Variants in EYA4 observed in about 807,000 individuals in gnomAD.
EYA4 encodes protein phosphatase EYA4.
EYA4 carries 31 observed loss-of-function variants against 87.9 expected under a neutral mutation model. The observed-to-expected ratio is 0.35, with a 90% CI of 0.27 to 0.48. The LOEUF (loss-of-function observed/expected upper bound fraction) is 0.48, where lower values mean the gene tolerates loss of function less well. EYA4 is among the 20% of genes least tolerant of loss of function. The pLI is 0.99. For missense variants in EYA4, 678 were observed against 761.4 expected, an observed-to-expected ratio of 0.89 and a Z score of 1.29; for synonymous variants, 263 against 270.6, an observed-to-expected ratio of 0.97 and a Z score of 0.28.
chr6:133,325,644 T>C (rs944915716), intron 2 of EYA4, among the ~76,000 whole-genome samples: 19 of 152,214 alleles, frequency 1.2e-4, no homozygotes, highest in Admixed American at 1.2e-3. Context: ...TTTTCACTGT[T>C]TGCATGCACT....
chr6:133,411,566 T>C (rs211600), intron 3 of EYA4, among the ~76,000 whole-genome samples: 57,785 of 151,720 alleles, frequency 0.38, 14,059 homozygotes, highest in Non-Finnish European at 0.54. Context: ...TGTCTATCTA[T>C]ATATATATAT....
intron 2 of EYA4, among the ~76,000 whole-genome samples, chr6:133,277,633 G>C (rs1487657175): frequency 6.6e-6 from 1 of 152,158 alleles, no homozygotes; most frequent in Admixed American, 6.5e-5. Flanking sequence ...AGCATATCCA[G>C]CTACTGACCA....
chr6:133,249,907 T>A (rs1774746511), intron 1 of EYA4, among the ~76,000 whole-genome samples: 1 of 152,238 alleles, frequency 6.6e-6, no homozygotes, highest in Non-Finnish European at 1.5e-5. Flanking sequence ...AGCTGAGAAT[T>A]TACTGGAAGG....
chr6:133,454,146 C>G (rs558143499), intron 5 of EYA4, among the ~76,000 whole-genome samples: 8 of 152,204 alleles, frequency 5.3e-5, no homozygotes, highest in Non-Finnish European at 1.2e-4. Context: ...CACCTCCATT[C>G]GCAAGTAAAA....
At chr6:133,505,668 A>C (rs1798536866) in intron 13 of EYA4, among the ~76,000 whole-genome samples, 1 of 152,070 alleles carries the variant, frequency 6.6e-6, no homozygotes, top group Non-Finnish European at 1.5e-5. Context: ...CAGTTGACCT[A>C]TTTTTCTCTA....
intron 3 of EYA4, among the ~76,000 whole-genome samples, chr6:133,395,944 G>A (rs1263711963): frequency 6.6e-6 from 1 of 152,146 alleles, no homozygotes; most frequent in Non-Finnish European, 1.5e-5. Flanking sequence ...TCTAATTAAA[G>A]TCATCACGTC....
chr6:133,323,680 G>C (rs1474898469), intron 2 of EYA4, among the ~76,000 whole-genome samples: 3 of 152,108 alleles, frequency 2.0e-5, no homozygotes, highest in African/African-American at 7.2e-5. Context: ...ATATGTGTGA[G>C]AGAATGAGAG....
rs1393253733 is a variant in EYA4 at position 133,523,151 on chromosome 6, A to G, written c.1712A>G (p.Glu571Gly). ...LYSLGGAFPIENIYSATKIGK... is the reference protein window; with the variant it reads ...LYSLGGAFPIGNIYSATKIGK... Reference sequence around the variant, plus strand: ...AGTTTAGGAGGTGCTTTCCCCATTGAGAATATTTACAGTGCAACTAAAATA... The same window carrying G: ...AGTTTAGGAGGTGCTTTCCCCATTGGGAATATTTACAGTGCAACTAAAATA... The change falls in exon 18 of 20, where the codon GAG becomes GGG. Residue 571 changes from glutamate to glycine, a missense_variant. Coordinates refer to ENST00000355286, the MANE Select transcript of EYA4 (RefSeq NM_004100.5). 6.2e-7 allele frequency: 1 copy of G among 1,612,402 alleles called. No individual in the cohort carries two copies. The highest frequency in any genetic ancestry group is 8.5e-7 in the Non-Finnish European group (1 of 1,178,800).
chr6:133,363,924 C>T (rs1784661861), intron 2 of EYA4, among the ~76,000 whole-genome samples: 1 of 152,192 alleles, frequency 6.6e-6, no homozygotes, highest in African/African-American at 2.4e-5. Context: ...GCATCTTAAC[C>T]TCACTTGAGA....
Position 133,274,788 on chromosome 6 carries a change from A to G in EYA4, c.8A>G (p.Asp3Gly), listed in dbSNP as rs986089427. The G allele has an allele frequency of 1.2e-6, 2 of 1,613,424 alleles. No homozygotes were observed. The highest frequency in any genetic ancestry group is 1.7e-6 in the Non-Finnish European group (2 of 1,179,738). ME[D>G]SQDLNEQSVK... ...GAGAAGTGAGAAAACCACATGGAAGACTCCCAGGATTTAAATGAACAATCA... is the reference window on the plus strand; with the variant it reads ...GAGAAGTGAGAAAACCACATGGAAGGCTCCCAGGATTTAAATGAACAATCA... The change falls in exon 2 of 20, where the codon GAC (aspartate) becomes GGC (glycine). Residue 3 changes from aspartate to glycine, a missense_variant. Coordinates refer to ENST00000355286, the MANE Select transcript of EYA4 (RefSeq NM_004100.5).
At position 133,506,017 on chromosome 6, in the gene EYA4, C is replaced by A. The variant is rs1311497399; in HGVS notation, c.1192-89C>A. The A allele has an allele frequency of 1.2e-5, 10 of 833,872 alleles. No individual in the cohort carries two copies. The East Asian group carries it at 1.7e-4, about 15-fold the overall frequency. 51.7% of individuals were successfully genotyped at this position (833,872 alleles called of 1,614,324 possible). A position where few individuals can be genotyped will look rare whatever the true frequency, so the allele number is the denominator to read the frequency against. On this transcript the variant is annotated intron_variant, in intron 13 of 19. Transcript: ENST00000355286. Reference sequence around the variant, plus strand: ...TAAAAACCCATGCAGTCTTCTCCCTCTTCCACCACAGCAATATGTGCTTAA... The same window carrying A: ...TAAAAACCCATGCAGTCTTCTCCCTATTCCACCACAGCAATATGTGCTTAA...
chr6:133,358,335 T>G (rs1784219948), intron 2 of EYA4, among the ~76,000 whole-genome samples: 1 of 152,224 alleles, frequency 6.6e-6, no homozygotes, highest in Non-Finnish European at 1.5e-5. Context: ...GCTAAATATT[T>G]GAATTTTCAA....
chr6:133,303,443 A>G (rs893196350), intron 2 of EYA4, among the ~76,000 whole-genome samples: 2 of 152,198 alleles, frequency 1.3e-5, no homozygotes, highest in Non-Finnish European at 2.9e-5. Flanking sequence ...TGCTGGAGCT[A>G]GACCAGTGTT....
intron 13 of EYA4, among the ~76,000 whole-genome samples, chr6:133,486,449 A>G (rs1305117691): frequency 6.6e-6 from 1 of 152,118 alleles, no homozygotes; most frequent in Non-Finnish European, 1.5e-5. Flanking sequence ...AAAATGGTAA[A>G]CTAGAGCCCC....
Position 133,342,574 on chromosome 6 carries a change from C to CATATATATATATATATATATAT in EYA4, c.34-39808_34-39787dup, listed in dbSNP as rs56987430. Among the ~76,000 whole-genome samples the CATATATATATATATATATATAT allele has an allele frequency of 2.3e-4, 23 of 100,486 alleles. 1 individual carries two copies. Among genetic ancestry groups the CATATATATATATATATATATAT allele is most frequent in the East Asian group, 2.7e-4 (1 of 3,692 alleles). 65.9% of individuals were successfully genotyped at this position (100,486 alleles called of 152,430 possible). Reference sequence around the variant, plus strand: ...CCATCCAGTTTAAGGTACACACTGCCATATATATATATATATATATATATA... The same window carrying CATATATATATATATATATATAT: ...CCATCCAGTTTAAGGTACACACTGCCATATATATATATATATATATATATATATATATATATATATATATATA... On this transcript the variant is annotated intron_variant, in intron 2 of 19. Coordinates refer to ENST00000355286, the MANE Select transcript of EYA4 (RefSeq NM_004100.5).
chr6:133,527,704 G>A (rs1800747576), intron 19 of EYA4, among the ~76,000 whole-genome samples: 1 of 152,106 alleles, frequency 6.6e-6, no homozygotes, highest in Admixed American at 6.6e-5. Context: ...ATAGTGTGCA[G>A]CAAGGAATTA....
chr6:133,323,763 G>T (rs1781282847), intron 2 of EYA4, among the ~76,000 whole-genome samples: 1 of 152,076 alleles, frequency 6.6e-6, no homozygotes, highest in Admixed American at 6.6e-5. Flanking sequence ...ATATACTACT[G>T]TGGTCAAAAA....
At chr6:133,495,007 G>A (rs1047702197) in intron 13 of EYA4, among the ~76,000 whole-genome samples, 13 of 152,056 alleles carry the variant, frequency 8.5e-5, no homozygotes, top group Non-Finnish European at 1.9e-4. Flanking sequence ...GGTGGCTCAC[G>A]CCTATAATCC....
intron 2 of EYA4, among the ~76,000 whole-genome samples, chr6:133,285,043 C>G (rs1243492676): frequency 6.6e-6 from 1 of 151,700 alleles, no homozygotes; most frequent in Non-Finnish European, 1.5e-5. Context: ...GTCCCCCAAG[C>G]TGGAGTGCAG....
Sources: allele counts gnomAD v4.1 joint callset (sites outside exome capture counted in the v4.1 genomes callset), GRCh38; gene constraint gnomAD v4.1.1; transcripts MANE v1.5; gene names NCBI Gene and HGNC (gene_info 2026-07-23, HGNC 2026-07-21).